VPS41: variants seen among roughly 807,000 people sequenced by gnomAD.
The protein encoded by VPS41 is VPS41 subunit of HOPS complex.
Under a neutral mutation model 130.9 loss-of-function variants are expected in VPS41, and 85 were observed. That is an observed-to-expected ratio of 0.65 (90% CI 0.55 to 0.78). The LOEUF is 0.78. Ranked by LOEUF, VPS41 falls within the 30% of genes least tolerant of loss-of-function variation. The probability of loss-of-function intolerance (pLI) is 0.00; values close to 1 mark genes in which losing one functional copy is unlikely to be tolerated. For synonymous variants in VPS41, 335 were observed against 332.9 expected, an observed-to-expected ratio of 1.01 and a Z score of -0.07; for missense variants, 874 against 1,018.7, an observed-to-expected ratio of 0.86 and a Z score of 1.93.
intron 4 of VPS41, among the ~76,000 whole-genome samples, chr7:38,835,010 T>C (rs1405328331): frequency 6.6e-6 from 1 of 152,004 alleles, no homozygotes; most frequent in Non-Finnish European, 1.5e-5. Context: ...TATACGGTCA[T>C]TATACACCAG....
intron 26 of VPS41, 51 bp from the exon 27 acceptor site, chr7:38,728,637 G>A (rs748461909): frequency 1.2e-6 from 2 of 1,613,190 alleles, no homozygotes; most frequent in Non-Finnish European, 1.7e-6. Flanking sequence ...TACCTGCTTG[G>A]CCATTTCTGA....
chr7:38,758,899 G>A (rs1783859248), intron 17 of VPS41, among the ~76,000 whole-genome samples: 1 of 152,214 alleles, frequency 6.6e-6, no homozygotes, highest in Non-Finnish European at 1.5e-5. Context: ...AACACCTGGA[G>A]GTTCCTGGAG....
At chr7:38,850,057 A>G (rs1785816840) in intron 4 of VPS41, among the ~76,000 whole-genome samples, 1 of 152,206 alleles carries the variant, frequency 6.6e-6, no homozygotes, top group South Asian at 2.1e-4. Flanking sequence ...AACACCATAA[A>G]TGGGAAACTG....
chr7:38,806,618 A>G (rs1024738655), intron 7 of VPS41, among the ~76,000 whole-genome samples: 2 of 152,262 alleles, frequency 1.3e-5, no homozygotes, highest in African/African-American at 4.8e-5. Flanking sequence ...AATGAAGGTC[A>G]GAAAGAACAT....
intron 5 of VPS41, among the ~76,000 whole-genome samples, chr7:38,824,163 C>A (rs575387888): frequency 6.6e-6 from 1 of 152,312 alleles, no homozygotes; most frequent in South Asian, 2.1e-4. Context: ...TAATCTATTT[C>A]TTTTCAGTAC....
intron 1 of VPS41, among the ~76,000 whole-genome samples, chr7:38,899,706 C>A (rs974733373): frequency 6.6e-6 from 1 of 152,148 alleles, no homozygotes; most frequent in Non-Finnish European, 1.5e-5. Context: ...TTCTAACATC[C>A]TTTCCATCTC....
chr7:38,776,848 T>A, intron 10 of VPS41, 72 bp from the exon 11 acceptor site: 1 of 765,442 alleles, frequency 1.3e-6, no homozygotes, highest in African/African-American at 1.7e-5. Flanking sequence ...AGGAACACAA[T>A]GACTGTGAAT....
intron 4 of VPS41, among the ~76,000 whole-genome samples, chr7:38,852,643 A>AG (rs1440937303): frequency 6.6e-6 from 1 of 152,228 alleles, no homozygotes; most frequent in Admixed American, 6.5e-5. Flanking sequence ...GTTCTAGAGC[A>AG]GGTGAATAAA....
At chr7:38,742,874 G>C (rs1795909119) in intron 24 of VPS41, among the ~76,000 whole-genome samples, 1 of 151,674 alleles carries the variant, frequency 6.6e-6, no homozygotes, top group Non-Finnish European at 1.5e-5. Flanking sequence ...CAAAATGGGA[G>C]ACCCAATGCA....
chr7:38,851,070 C>T (rs1437791071), intron 4 of VPS41, among the ~76,000 whole-genome samples: 1 of 152,132 alleles, frequency 6.6e-6, no homozygotes, highest in East Asian at 1.9e-4. Context: ...TAACAAGATC[C>T]CCACCCCACC....
intron 4 of VPS41, among the ~76,000 whole-genome samples, chr7:38,842,598 G>A (rs1785631269): frequency 6.6e-6 from 1 of 152,032 alleles, no homozygotes; most frequent in Non-Finnish European, 1.5e-5. Context: ...ATCTCTTCAG[G>A]CTCATTTCCA....
intron 22 of VPS41, among the ~76,000 whole-genome samples, chr7:38,750,793 G>C (rs1344705493): frequency 6.6e-6 from 1 of 151,846 alleles, no homozygotes; most frequent in Non-Finnish European, 1.5e-5. Flanking sequence ...CTTGTGCTTA[G>C]GGAATGGGAA....
At chr7:38,818,390 C>T (rs961086852) in intron 6 of VPS41, among the ~76,000 whole-genome samples, 1 of 152,276 alleles carries the variant, frequency 6.6e-6, no homozygotes. Flanking sequence ...GAGAACAGAG[C>T]TACAGGCCCA....
chr7:38,780,715 A>C (rs962956755), intron 10 of VPS41, among the ~76,000 whole-genome samples: 2 of 152,170 alleles, frequency 1.3e-5, no homozygotes, highest in African/African-American at 4.8e-5. Context: ...CACGTGCTAT[A>C]GCTTGGATGT....
chr7:38,794,225 G>A (rs1584399121), intron 9 of VPS41, among the ~76,000 whole-genome samples: 1 of 152,226 alleles, frequency 6.6e-6, no homozygotes, highest in Middle Eastern at 3.4e-3. Context: ...AACCACACAC[G>A]TGGGACAGGG....
chr7:38,878,325 C>A (rs1254155852), intron 2 of VPS41, among the ~76,000 whole-genome samples: 1 of 152,114 alleles, frequency 6.6e-6, no homozygotes, highest in Non-Finnish European at 1.5e-5. Context: ...CTATCTCATG[C>A]AGAAAGGTAC....
chr7:38,859,669 G>T (rs897646000), intron 4 of VPS41, among the ~76,000 whole-genome samples: 3 of 152,148 alleles, frequency 2.0e-5, no homozygotes, highest in African/African-American at 4.8e-5. Flanking sequence ...CTAGGTCTGT[G>T]TAAGTAGAGG....
At chr7:38,829,083 C>T (rs775949168) in intron 5 of VPS41, among the ~76,000 whole-genome samples, 4 of 152,108 alleles carry the variant, frequency 2.6e-5, no homozygotes, top group South Asian at 2.1e-4. Flanking sequence ...AATGTTTCAG[C>T]GGTGTGGATA....
At chr7:38,894,126 G>A (rs1437456731) in intron 2 of VPS41, among the ~76,000 whole-genome samples, 2 of 152,136 alleles carry the variant, frequency 1.3e-5, no homozygotes, top group African/African-American at 2.4e-5. Flanking sequence ...GAAAATGCCT[G>A]TCCTTCAAAA....
Sources: gnomAD v4.1 joint callset for allele counts (sites outside exome capture counted in the v4.1 genomes callset) on GRCh38, gnomAD v4.1.1 for gene constraint, MANE v1.5 for transcripts, NCBI Gene and HGNC (gene_info 2026-07-23, HGNC 2026-07-21) for gene names.